The following ELF1 variants were observed in gnomAD, a reference collection of about 807,000 sequenced individuals.
ELF1 encodes ETS-related transcription factor Elf-1.
In ELF1, 24 loss-of-function variants were observed where a neutral mutation model predicts 59.9. That is an observed-to-expected ratio of 0.40 (90% CI 0.29 to 0.56). The LOEUF (loss-of-function observed/expected upper bound fraction) is 0.56, where lower values mean the gene tolerates loss of function less well. Ranked by LOEUF, ELF1 falls within the 20% of genes least tolerant of loss-of-function variation. ELF1 has a pLI of 0.44. For missense variants in ELF1, 627 were observed against 742.2 expected (o/e 0.84, Z 1.80); for synonymous variants, 248 against 266.2 (o/e 0.93, Z 0.67).
At chr13:40,956,969 G>C (rs1242735757) in intron 3 of ELF1, among the ~76,000 whole-genome samples, 1 of 150,004 alleles carries the variant, frequency 6.7e-6, no homozygotes, top group East Asian at 1.9e-4. Flanking sequence ...TGGGATTACA[G>C]GCATGGGCCA....
intron 3 of ELF1, among the ~76,000 whole-genome samples, chr13:40,955,735 C>G (rs1321215664): frequency 7.7e-6 from 1 of 129,690 alleles, no homozygotes; most frequent in African/African-American, 2.9e-5. Context: ...GGGAGGTCAG[C>G]CCCCCGCCCG....
chr13:41,048,153 C>T (rs950494504), intron 1 of ELF1, among the ~76,000 whole-genome samples: 5 of 152,158 alleles, frequency 3.3e-5, no homozygotes, highest in Non-Finnish European at 4.4e-5. Flanking sequence ...GGGAGTGACC[C>T]GATTTTCTAG....
chr13:41,012,852 C>T (rs1246510035), intron 1 of ELF1, among the ~76,000 whole-genome samples: 2 of 152,066 alleles, frequency 1.3e-5, no homozygotes, highest in Admixed American at 1.3e-4. Flanking sequence ...GCTACAGTGC[C>T]CACTTGTCAA....
At chr13:41,035,764 G>T (rs973503702) in intron 1 of ELF1, among the ~76,000 whole-genome samples, 8 of 150,014 alleles carry the variant, frequency 5.3e-5, no homozygotes, top group African/African-American at 1.9e-4. Flanking sequence ...AAAAGATTAG[G>T]GTAAAGTGGC....
At chr13:41,060,908 T>A (rs952369703) in exon 1 of ELF1, 5 of 275,306 alleles carry the variant, frequency 1.8e-5, no homozygotes, top group African/African-American at 5.9e-5. Context: ...CTACTGAAGC[T>A]GCTGCTGCCG....
chr13:41,045,468 C>T lies in ELF1; in HGVS notation c.-229+15370G>A, dbSNP rs202172056. Among the ~76,000 whole-genome samples, 12 of 152,224 alleles carry T rather than the reference C, an allele frequency of 7.9e-5. No homozygotes were observed. In the East Asian group the frequency reaches 2.3e-3, roughly 29 times the overall value. On this transcript the variant is annotated intron_variant, in intron 1 of 1. Transcript: ENST00000405737. ...CTCTACACGCTGCTTTAAATGTGTC[C>T]CAGAGATTCTGGTATGTTGTGTCTT... is the stretch of plus-strand genomic sequence containing the variant.
chr13:41,035,727 G>GAAAAAAAAA (rs11366083), intron 1 of ELF1, among the ~76,000 whole-genome samples: 11 of 100,038 alleles, frequency 1.1e-4, no homozygotes, highest in African/African-American at 2.0e-4. Context: ...AGAACAAAAA[G>GAAAAAAAAA]AAAAAAAAAA....
At chr13:40,990,841 ACT>A (rs1488206052) in intron 1 of ELF1, among the ~76,000 whole-genome samples, 5 of 86,826 alleles carry the variant, frequency 5.8e-5, no homozygotes, top group Admixed American at 3.2e-4. Flanking sequence ...ACAGAGCGAG[ACT>A]CTGTCTCAAA....
exon 1 of ELF1, chr13:41,060,929 C>CGCTGCTGCTGCT (rs1593420643): frequency 2.8e-6 from 1 of 363,528 alleles, no homozygotes; most frequent in African/African-American, 2.3e-5. Flanking sequence ...CCGCCGCCGC[C>CGCTGCTGCTGCT]GCCGCCGCCG....
chr13:41,031,325 CTAACTG>C (rs902339808), intron 1 of ELF1, among the ~76,000 whole-genome samples: 2 of 152,144 alleles, frequency 1.3e-5, no homozygotes, highest in African/African-American at 4.8e-5. Flanking sequence ...GCTTCTACAA[CTAACTG>C]TAAGTGTGGA....
intron 1 of ELF1, among the ~76,000 whole-genome samples, chr13:41,009,479 A>C (rs1246343901): frequency 6.6e-6 from 1 of 152,170 alleles, no homozygotes; most frequent in Non-Finnish European, 1.5e-5. Context: ...TTCAGTTTAT[A>C]CTGTTAGCAA....
chr13:41,050,604 T>G (rs1411310682), intron 1 of ELF1, among the ~76,000 whole-genome samples: 1 of 152,228 alleles, frequency 6.6e-6, no homozygotes, highest in Non-Finnish European at 1.5e-5. Context: ...TCACCCAGTC[T>G]GGAGTGCAGT....
At chr13:41,040,409 T>C (rs953713373) in intron 1 of ELF1, among the ~76,000 whole-genome samples, 4 of 152,204 alleles carry the variant, frequency 2.6e-5, no homozygotes, top group Non-Finnish European at 5.9e-5. Flanking sequence ...AATACTTATA[T>C]ATGCATGATC....
intron 1 of ELF1, among the ~76,000 whole-genome samples, chr13:41,044,814 G>A (rs1322308262): frequency 4.6e-5 from 7 of 152,186 alleles, no homozygotes; most frequent in South Asian, 2.1e-4. Context: ...CTCATAAAAT[G>A]AGTTAGGGAA....
At chr13:41,015,989 C>G (rs957142793) in intron 1 of ELF1, among the ~76,000 whole-genome samples, 1 of 152,210 alleles carries the variant, frequency 6.6e-6, no homozygotes, top group Non-Finnish European at 1.5e-5. Flanking sequence ...CGAAGACACT[C>G]TTCTTAACAT....
intron 1 of ELF1, among the ~76,000 whole-genome samples, chr13:41,017,538 ATACT>A (rs1875477618): frequency 6.6e-6 from 1 of 152,180 alleles, no homozygotes; most frequent in Non-Finnish European, 1.5e-5. Flanking sequence ...GGAGAGGGAA[ATACT>A]TAATAAATTG....
intron 1 of ELF1, among the ~76,000 whole-genome samples, chr13:40,998,581 C>T (rs150079535): frequency 5.3e-5 from 8 of 152,300 alleles, no homozygotes; most frequent in Non-Finnish European, 1.2e-4. Context: ...ATAAATTATA[C>T]ATTAACTTTA....
At chr13:40,987,378 C>G (rs1363030567) in intron 1 of ELF1, among the ~76,000 whole-genome samples, 2 of 149,226 alleles carry the variant, frequency 1.3e-5, no homozygotes, top group Non-Finnish European at 3.0e-5. Flanking sequence ...GTCAGGAGTT[C>G]GAGACCAGCC....
At chr13:41,000,580 G>A (rs1157735377) in intron 1 of ELF1, among the ~76,000 whole-genome samples, 1 of 151,956 alleles carries the variant, frequency 6.6e-6, no homozygotes, top group African/African-American at 2.4e-5. Context: ...CTCTTGGAAA[G>A]TTCAAGAATT....
Sources: allele counts gnomAD v4.1 joint callset (sites outside exome capture counted in the v4.1 genomes callset), GRCh38; gene constraint gnomAD v4.1.1; transcripts MANE v1.5; gene names NCBI Gene and HGNC (gene_info 2026-07-23, HGNC 2026-07-21).